SNX1: variants seen among roughly 807,000 people sequenced by gnomAD.
The protein encoded by SNX1 is sorting nexin 1, also known as sorting nexin-1.
In SNX1, 36 loss-of-function variants were observed where a neutral mutation model predicts 71.8. The ratio of observed to expected loss-of-function variants is 0.50; its 90% CI spans 0.38 to 0.66. The LOEUF is 0.66. Ranked by LOEUF, SNX1 falls within the 30% of genes least tolerant of loss-of-function variation. The pLI, the probability that SNX1 is intolerant of heterozygous loss-of-function variation, is 0.00. For synonymous variants in SNX1, 254 were observed against 240.7 expected, an observed-to-expected ratio of 1.06 and a Z score of -0.51; for missense variants, 612 against 646.7, an observed-to-expected ratio of 0.95 and a Z score of 0.58.
In SNX1 at chr15:64,134,866, GC is replaced by G. The variant is rs1332592005; in HGVS notation, c.1365+62del. ...TCTGCTGGTTCCAAATGAACCCAGG[GC>G]CCATCCCACCCAGAGGTTTGGAACC... On this transcript the variant is annotated intron_variant, in intron 12 of 14. Transcript: ENST00000559844. The surrounding 1 kb of genome is among the most constrained non-coding windows in gnomAD (Gnocchi z 4.1). 2 of 1,594,766 alleles carry G rather than the reference GC, an allele frequency of 1.3e-6. No individual in the cohort carries two copies. The highest frequency in any genetic ancestry group is 2.7e-5 in the African/African-American group (2 of 74,510).
rs551499234 is a variant in SNX1, at chr15:64,125,568, C to G, written c.511-511C>G. On this transcript the variant is annotated intron_variant, in intron 5 of 14. Transcript: ENST00000559844. The stretch of plus-strand genomic sequence containing the variant: ...GCTGAGGTGGGAGGATCGCTTAAGC[C>G]CAGGAGTTTGAGGCTGCAGTAAGCT... Among the ~76,000 whole-genome samples the G allele has an allele frequency of 4.6e-5, 7 of 151,864 alleles. No individual in the cohort carries two copies. The East Asian group carries it at 1.4e-3, about 29-fold the overall frequency.
chr15:64,128,435 G>A, intron 8 of SNX1, among the ~76,000 whole-genome samples: 1 of 152,162 alleles, frequency 6.6e-6, no homozygotes. Flanking sequence ...AGTCATTAAG[G>A]ATCAAAAGAA....
At chr15:64,108,650 T>C (rs2081047275) in intron 1 of SNX1, among the ~76,000 whole-genome samples, 2 of 152,154 alleles carry the variant, frequency 1.3e-5, no homozygotes, top group Non-Finnish European at 2.9e-5. Context: ...TTAAAAAACT[T>C]AATTTTTCCA....
chr15:64,131,593 G>GTAGATCT, intron 10 of SNX1, 94 bp from the exon 11 acceptor site: 1 of 1,161,000 alleles, frequency 8.6e-7, no homozygotes, highest in African/African-American at 1.5e-5. Context: ...TATGCAGTGG[G>GTAGATCT]CGGCATTGCT....
chr15:64,128,753 G>A (rs1434656296), intron 8 of SNX1, among the ~76,000 whole-genome samples: 2 of 152,272 alleles, frequency 1.3e-5, no homozygotes, highest in South Asian at 4.1e-4. Flanking sequence ...AGCAGGGTAT[G>A]TCTGTAGCAG....
At chr15:64,110,050 T>G (rs1233114823) in intron 1 of SNX1, among the ~76,000 whole-genome samples, 2 of 152,304 alleles carry the variant, frequency 1.3e-5, no homozygotes, top group Middle Eastern at 3.4e-3. Context: ...CTGGAAACTG[T>G]CCAGCATTAG....
chr15:64,139,086 C>G lies in SNX1; in HGVS notation c.*1468C>G, dbSNP rs1045650407. ...TTGGAAAAAGTCACTCTCCCTACCC[C>G]TCAGTATCCTTACCATCAACTTTGG... On this transcript the variant is annotated 3_prime_UTR_variant, in exon 15 of 15. Coordinates refer to ENST00000559844, the MANE Select transcript of SNX1 (RefSeq NM_003099.5). The G allele has an allele frequency of 6.6e-6, 1 of 152,216 alleles. No individual in the cohort carries two copies. The highest frequency in any genetic ancestry group is 1.9e-4 in the East Asian group (1 of 5,206). The allele number at this position is 152,216 out of a possible 1,614,324, so 9.4% of individuals were successfully genotyped here.
At chr15:64,114,141 A>G (rs1192546939) in intron 2 of SNX1, among the ~76,000 whole-genome samples, 2 of 152,226 alleles carry the variant, frequency 1.3e-5, no homozygotes, top group Non-Finnish European at 2.9e-5. Context: ...TGGGCAAAGT[A>G]ATGTTTTAGG....
chr15:64,138,181 T>C lies in SNX1; in HGVS notation c.*563T>C. 1 of 1,535,200 alleles carries C rather than the reference T, an allele frequency of 6.5e-7. No homozygotes were observed. The highest frequency in any genetic ancestry group is 1.2e-5 in the South Asian group (1 of 83,916). On this transcript the variant is annotated 3_prime_UTR_variant, in exon 15 of 15. Transcript: ENST00000559844. ...TGGGGTTTCTTTCTCTCCGCCTACC[T>C]CAGCTACCTGTTCTGAGGGTCTCAA...
chr15:64,102,399 T>C (rs1263472769), intron 1 of SNX1, among the ~76,000 whole-genome samples: 2 of 152,238 alleles, frequency 1.3e-5, no homozygotes, highest in Non-Finnish European at 2.9e-5. Flanking sequence ...TTGAGAACAT[T>C]AGAATTCTTC....
chr15:64,100,989 G>A (rs1240711117), intron 1 of SNX1, among the ~76,000 whole-genome samples: 1 of 152,002 alleles, frequency 6.6e-6, no homozygotes, highest in Non-Finnish European at 1.5e-5. Flanking sequence ...TTGTAGAGAT[G>A]GGGGTCTCCC....
At position 64,137,761 on chromosome 15, in the gene SNX1, A is replaced by G; in HGVS notation, c.*143A>G. ...CCTGTCCCCACGACCAACTGTCCCC[A>G]GTTACTCTAACCGTTATTTCATTTA... On this transcript the variant is annotated 3_prime_UTR_variant, in exon 15 of 15. Transcript: ENST00000559844. 6.8e-7 allele frequency: 1 copy of G among 1,479,666 alleles called. No individual in the cohort carries two copies. Among genetic ancestry groups the G allele is most frequent in the African/African-American group, 1.4e-5 (1 of 70,782 alleles). 91.7% of individuals were successfully genotyped at this position (1,479,666 alleles called of 1,614,324 possible).
intron 5 of SNX1, 32 bp downstream of exon 5, chr15:64,123,578 T>G (rs1395490443): frequency 6.3e-7 from 1 of 1,587,254 alleles, no homozygotes. Flanking sequence ...GATGACCATC[T>G]TCATAGACTT....
At chr15:64,112,819 A>G (rs2081091026) in intron 2 of SNX1, 135 bp downstream of exon 2, 4 of 547,140 alleles carry the variant, frequency 7.3e-6, no homozygotes. Flanking sequence ...GGAGGATTCC[A>G]AAGTACATGA....
At position 64,134,836 on chromosome 15, in the gene SNX1, G is replaced by T. The variant is rs775005627; in HGVS notation, c.1365+29G>T. On this transcript the variant is annotated intron_variant, in intron 12 of 14. Coordinates refer to ENST00000559844, the MANE Select transcript of SNX1 (RefSeq NM_003099.5). This position sits in a 1 kb window ranked among gnomAD's most constrained non-coding sequence, Gnocchi z 4.1. Reference sequence around the variant, plus strand: ...AGTCCACTGAGGCAGCCCAGCCAGGGGTGTTCTGCTGGTTCCAAATGAACC... The same window carrying T: ...AGTCCACTGAGGCAGCCCAGCCAGGTGTGTTCTGCTGGTTCCAAATGAACC... 6 of 1,612,068 alleles carry T rather than the reference G, an allele frequency of 3.7e-6. No individual in the cohort carries two copies. The highest frequency in any genetic ancestry group is 5.1e-6 in the Non-Finnish European group (6 of 1,179,350).
rs2081378814 is a variant in SNX1 at position 64,138,067 on chromosome 15, C to G, written c.*449C>G. ...GCTGGGGAGCAGTTGGGAATCAGGT[C>G]TGGAATACTCCTAACCAAGAAGTTG... On this transcript the variant is annotated 3_prime_UTR_variant, in exon 15 of 15. Transcript: ENST00000559844. The G allele has an allele frequency of 6.5e-7, 1 of 1,534,944 alleles. No homozygotes were observed. Among genetic ancestry groups the G allele is most frequent in the South Asian group, 1.2e-5 (1 of 83,748 alleles).
intron 1 of SNX1, among the ~76,000 whole-genome samples, chr15:64,109,451 T>C (rs1386123396): frequency 6.6e-6 from 1 of 152,018 alleles, no homozygotes. Flanking sequence ...GACCAGCAAA[T>C]GAATGGAAAG....
chr15:64,106,124 A>G (rs2081019174), intron 1 of SNX1, among the ~76,000 whole-genome samples: 1 of 152,182 alleles, frequency 6.6e-6, no homozygotes, highest in Admixed American at 6.5e-5. Context: ...ATCTCATATA[A>G]AAATATCTAA....
chr15:64,139,747 G>C lies in SNX1; in HGVS notation c.*2129G>C, dbSNP rs972275460. The C allele has an allele frequency of 6.6e-6, 1 of 151,790 alleles. No individual in the cohort carries two copies. Among genetic ancestry groups the C allele is most frequent in the Non-Finnish European group, 1.5e-5 (1 of 67,992 alleles). 9.4% of individuals were successfully genotyped at this position (151,790 alleles called of 1,614,324 possible). On this transcript the variant is annotated 3_prime_UTR_variant, in exon 15 of 15. Transcript: ENST00000559844. The stretch of plus-strand genomic sequence containing the variant: ...ATTTATCCCAATAATGTCCTTTGTA[G>C]CCATTCTTTTACCTTGTGCAGGATC...
Sources: allele counts gnomAD v4.1 joint callset (sites outside exome capture counted in the v4.1 genomes callset), GRCh38; gene constraint gnomAD v4.1.1; non-coding constraint Gnocchi (gnomAD v3.1); transcripts MANE v1.5; gene names NCBI Gene and HGNC (gene_info 2026-07-23, HGNC 2026-07-21).